The following CBLIF variants were observed in gnomAD, a reference collection of about 807,000 sequenced individuals.
CBLIF encodes cobalamin binding intrinsic factor, also known as gastric intrinsic factor (vitamin B synthesis).
In CBLIF, 24 loss-of-function variants were observed where a neutral mutation model predicts 44.9. The ratio of observed to expected loss-of-function variants is 0.53; its 90% CI spans 0.39 to 0.75. The LOEUF (loss-of-function observed/expected upper bound fraction) is 0.75. CBLIF is among the 30% of genes least tolerant of loss of function. The probability of loss-of-function intolerance (pLI) is 0.00; values close to 1 mark genes in which losing one functional copy is unlikely to be tolerated. For synonymous variants in CBLIF, 183 were observed against 190.9 expected, an observed-to-expected ratio of 0.96 and a Z score of 0.34; for missense variants, 481 against 513.0, an observed-to-expected ratio of 0.94 and a Z score of 0.60.
At chr11:59,838,696 C>G (rs1866484999) in intron 5 of CBLIF, among the ~76,000 whole-genome samples, 5 of 152,158 alleles carry the variant, frequency 3.3e-5, no homozygotes, top group Admixed American at 3.3e-4. Flanking sequence ...TTGTCATATG[C>G]ACCTCCCAAA....
intron 4 of CBLIF, among the ~76,000 whole-genome samples, chr11:59,841,721 A>C (rs1308586287): frequency 6.6e-6 from 1 of 152,170 alleles, no homozygotes; most frequent in African/African-American, 2.4e-5. Flanking sequence ...TCTGACAGAA[A>C]CTGAAACAAG....
chr11:59,840,878 GATTT>G (rs1465587669), intron 5 of CBLIF: 4 of 376,046 alleles, frequency 1.1e-5, no homozygotes, highest in African/African-American at 4.1e-5. Flanking sequence ...TATATTTCTT[GATTT>G]ATTTGTTTCA....
At chr11:59,830,706 T>C (rs1001842727) in intron 8 of CBLIF, among the ~76,000 whole-genome samples, 1 of 152,190 alleles carries the variant, frequency 6.6e-6, no homozygotes, top group Non-Finnish European at 1.5e-5. Flanking sequence ...TACTTAATCA[T>C]TCTAAGTATA....
intron 3 of CBLIF, 98 bp from the exon 4 acceptor site, chr11:59,842,681 A>G (rs1430653097): frequency 2.4e-6 from 3 of 1,227,862 alleles, no homozygotes; most frequent in East Asian, 4.7e-5. Flanking sequence ...GGAAATTGCT[A>G]GAAAACCTGC....
chr11:59,834,343 T>A (rs1186588967), intron 7 of CBLIF, among the ~76,000 whole-genome samples: 1 of 131,496 alleles, frequency 7.6e-6, no homozygotes, highest in South Asian at 2.4e-4. Flanking sequence ...TTCCTTTTTC[T>A]TTCTTTCTCT....
rs1750084980 is a variant in CBLIF at position 59,835,921 on chromosome 11, G to T, written c.960C>A (p.Asn320Lys). 5 of 1,613,780 alleles carry T rather than the reference G, an allele frequency of 3.1e-6. No homozygotes were observed. The highest frequency in any genetic ancestry group is 1.7e-5 in the Admixed American group (1 of 59,992). ...SNITVIYTIN[N>K]QLRGVELLFN... is the part of the protein sequence containing the mutation. ...AGAGCAGCTCAACCCCCCTCAGCTGGTTATTTATGGTGTATATGACAGTGA... is the reference window on the plus strand; with the variant it reads ...AGAGCAGCTCAACCCCCCTCAGCTGTTTATTTATGGTGTATATGACAGTGA... The change falls in exon 7 of 9, where the codon AAC (asparagine) becomes AAA (lysine). Residue 320 changes from asparagine to lysine, a missense_variant. Coordinates refer to ENST00000257248, the MANE Select transcript of CBLIF (RefSeq NM_005142.3).
chr11:59,839,796 T>TA (rs1468706013), intron 5 of CBLIF, among the ~76,000 whole-genome samples: 4 of 151,940 alleles, frequency 2.6e-5, no homozygotes, highest in Admixed American at 2.6e-4. Context: ...TGGCAGGTGA[T>TA]AAAATCCAAA....
chr11:59,845,273 T>G, intron 1 of CBLIF, 102 bp downstream of exon 1: 1 of 1,567,764 alleles, frequency 6.4e-7, no homozygotes, highest in Non-Finnish European at 8.7e-7. Context: ...ATTTTGGAAT[T>G]CCTATAGTGA....
chr11:59,831,927 C>A (rs932978949), intron 7 of CBLIF, 131 bp from the exon 8 acceptor site: 168 of 674,524 alleles, frequency 2.5e-4, no homozygotes, highest in Non-Finnish European at 1.3e-4. Flanking sequence ...GACTTTGTTA[C>A]CCAGGCTAGT....
intron 5 of CBLIF, among the ~76,000 whole-genome samples, chr11:59,837,555 GC>G (rs1216965817): frequency 6.6e-6 from 1 of 152,218 alleles, no homozygotes; most frequent in Non-Finnish European, 1.5e-5. Flanking sequence ...CTGTCAGACA[GC>G]AGACACAGAA....
rs754869910 is a variant in CBLIF, at chr11:59,836,027, G to A, written c.872-18C>T. ...CTCATGATCTGTGAAGGGCAAAGAGGCCACATTTGTCAAAGATTATGGGGT... is the reference window on the plus strand; with the variant it reads ...CTCATGATCTGTGAAGGGCAAAGAGACCACATTTGTCAAAGATTATGGGGT... On this transcript the variant is annotated intron_variant, in intron 6 of 8. Coordinates refer to ENST00000257248, the MANE Select transcript of CBLIF (RefSeq NM_005142.3). 1 of 1,602,678 alleles carries A rather than the reference G, an allele frequency of 6.2e-7. No homozygotes were observed. Among genetic ancestry groups the A allele is most frequent in the Admixed American group, 1.7e-5 (1 of 60,016 alleles).
intron 5 of CBLIF, among the ~76,000 whole-genome samples, chr11:59,839,168 A>G (rs1866492066): frequency 6.6e-6 from 1 of 152,126 alleles, no homozygotes; most frequent in Non-Finnish European, 1.5e-5. Context: ...CCTTTTCAAG[A>G]TAAGCGCCTA....
rs1565207292 is a variant in CBLIF at position 59,834,226 on chromosome 11, CTT to C, written c.1073+1580_1073+1581del. Among the ~76,000 whole-genome samples, 249 of 148,800 alleles carry C rather than the reference CTT, an allele frequency of 1.7e-3. 2 individuals carry two copies. The highest frequency in any genetic ancestry group is 5.4e-3 in the African/African-American group (211 of 38,950). The stretch of plus-strand genomic sequence containing the variant: ...CCTCCAAAAGCCTGCCTTTCTGTTT[CTT>C]TCTTTCTTTCTTTTTCTTTCTTTCT... On this transcript the variant is annotated intron_variant, in intron 7 of 8. Coordinates refer to ENST00000257248, the MANE Select transcript of CBLIF (RefSeq NM_005142.3).
chr11:59,836,860 A>G (rs1866461703), intron 6 of CBLIF, among the ~76,000 whole-genome samples: 1 of 152,256 alleles, frequency 6.6e-6, no homozygotes, highest in South Asian at 2.1e-4. Context: ...TTGTGAAATG[A>G]ATAAATGAAG....
At chr11:59,834,068 C>G (rs1866409767) in intron 7 of CBLIF, among the ~76,000 whole-genome samples, 1 of 152,046 alleles carries the variant, frequency 6.6e-6, no homozygotes, top group Non-Finnish European at 1.5e-5. Flanking sequence ...CTAAATATGT[C>G]TTATGGTTTT....
chr11:59,831,760 G>A lies in CBLIF; in HGVS notation c.1110C>T (p.Val370=), dbSNP rs1866377506. 1 of 1,606,458 alleles carries A rather than the reference G, an allele frequency of 6.2e-7. No individual in the cohort carries two copies. The highest frequency in any genetic ancestry group is 1.3e-5 in the African/African-American group (1 of 74,852). The change falls in exon 8 of 9, where the codon GTC becomes GTT. Residue 370 remains valine (V), a synonymous_variant. Coordinates refer to ENST00000257248, the MANE Select transcript of CBLIF (RefSeq NM_005142.3). ...ETTMTSWGLV[V]SSINNIAENV... is the part of the protein sequence containing the mutation. ...TTTCCGCGATATTGTTGATAGAAGA[G>A]ACGACAAGGCCCCAAGATGTCATTG...
At position 59,829,471 on chromosome 11, in the gene CBLIF, A is replaced by G; in HGVS notation, c.*13T>C. ...TTTGGAGATGTTTGATAGAAGCTGA[A>G]CCCACCTCTTCGTTAGTACTGTGTG... On this transcript the variant is annotated 3_prime_UTR_variant, in exon 9 of 9. Transcript: ENST00000257248. 6.3e-7 allele frequency: 1 copy of G among 1,579,280 alleles called. No individual in the cohort carries two copies. The highest frequency in any genetic ancestry group is 8.7e-7 in the Non-Finnish European group (1 of 1,148,066).
chr11:59,831,918 A>T (rs900266838), intron 7 of CBLIF, 122 bp from the exon 8 acceptor site: 14 of 685,324 alleles, frequency 2.0e-5, no homozygotes, highest in African/African-American at 2.0e-4. Context: ...ACAAGGTGTG[A>T]CTTTGTTACC....
At chr11:59,842,099 G>T (rs1041590539) in intron 4 of CBLIF, among the ~76,000 whole-genome samples, 1 of 152,178 alleles carries the variant, frequency 6.6e-6, no homozygotes, top group Non-Finnish European at 1.5e-5. Flanking sequence ...ATTAAAGAGA[G>T]GATGCAGAGG....
Sources: gnomAD v4.1 joint callset for allele counts (sites outside exome capture counted in the v4.1 genomes callset) on GRCh38, gnomAD v4.1.1 for gene constraint, MANE v1.5 for transcripts, NCBI Gene and HGNC (gene_info 2026-07-23, HGNC 2026-07-21) for gene names.